Variants in CIRSR observed in about 807,000 individuals in gnomAD.
CIRSR encodes the protein CBF1 (RBPJ) interacting corepressor 1.
At chr2:174,382,196 T>TC in the CIRSR span, among the ~76,000 whole-genome samples, 3 of 152,184 alleles carry the variant, frequency 2.0e-5, no homozygotes, top group African/African-American at 4.8e-5. Context: ...TTTTGTTTTT[T>TC]CCCACCAAAA....
At chr2:174,365,911 G>A in the CIRSR span, among the ~76,000 whole-genome samples, 1 of 152,128 alleles carries the variant, frequency 6.6e-6, no homozygotes, top group Non-Finnish European at 1.5e-5. Context: ...CAGAGATTCT[G>A]GAAGTATCAG....
chr2:174,367,529 G>A, the CIRSR span, among the ~76,000 whole-genome samples: 7 of 151,986 alleles, frequency 4.6e-5, no homozygotes, highest in African/African-American at 7.2e-5. Flanking sequence ...GCAGTAAGCC[G>A]AGATCATGCC....
At chr2:174,391,725 TAAA>T in the CIRSR span, among the ~76,000 whole-genome samples, 1 of 152,106 alleles carries the variant, frequency 6.6e-6, no homozygotes, top group Admixed American at 6.5e-5. Context: ...GATTTGTGCT[TAAA>T]AAAAGACAAT....
At chr2:174,387,690 A>G in the CIRSR span, 1 of 1,581,396 alleles carries the variant, frequency 6.3e-7, no homozygotes, top group Non-Finnish European at 8.6e-7. Flanking sequence ...CTTACCTATT[A>G]TCATATGATT....
At chr2:174,355,374 A>G in the CIRSR span, among the ~76,000 whole-genome samples, 1 of 152,194 alleles carries the variant, frequency 6.6e-6, no homozygotes, top group African/African-American at 2.4e-5. Flanking sequence ...AGAATTCAGA[A>G]AGAAGGCATT....
chr2:174,379,043 G>A, the CIRSR span: 1 of 1,592,406 alleles, frequency 6.3e-7, no homozygotes, highest in Non-Finnish European at 8.6e-7. Context: ...TTTCGAACCT[G>A]AGAAATAATG....
chr2:174,392,625 A>T, the CIRSR span, among the ~76,000 whole-genome samples: 11 of 152,184 alleles, frequency 7.2e-5, no homozygotes, highest in Non-Finnish European at 1.2e-4. Context: ...TTTGGAAGGT[A>T]AGACCAATAG....
chr2:174,387,834 CTT>C, the CIRSR span: 1 of 1,438,480 alleles, frequency 7.0e-7, no homozygotes, highest in Non-Finnish European at 9.4e-7. Flanking sequence ...ATTAAACAAA[CTT>C]TGCTTTTCTT....
the CIRSR span, chr2:174,381,711 A>G: frequency 6.3e-7 from 1 of 1,584,158 alleles, no homozygotes; most frequent in Non-Finnish European, 8.5e-7. Flanking sequence ...TACCTTTTTT[A>G]GCTCCTGGTG....
chr2:174,376,158 G>A, the CIRSR span, among the ~76,000 whole-genome samples: 1 of 152,198 alleles, frequency 6.6e-6, no homozygotes, highest in Non-Finnish European at 1.5e-5. Context: ...ACCATGCCCA[G>A]CCCTGAAAGA....
At chr2:174,364,571 A>C in the CIRSR span, among the ~76,000 whole-genome samples, 2 of 152,242 alleles carry the variant, frequency 1.3e-5, no homozygotes, top group Non-Finnish European at 2.9e-5. Context: ...CCCCTGCAGC[A>C]AACTTCTGCC....
At chr2:174,376,367 C>G in the CIRSR span, among the ~76,000 whole-genome samples, 7 of 152,260 alleles carry the variant, frequency 4.6e-5, no homozygotes, top group South Asian at 1.4e-3. Context: ...ATTTTTTCTA[C>G]TTCATTCACT....
chr2:174,376,599 C>T, the CIRSR span, among the ~76,000 whole-genome samples: 1 of 150,676 alleles, frequency 6.6e-6, no homozygotes, highest in Non-Finnish European at 1.5e-5. Flanking sequence ...AGATCAAGAC[C>T]ATCCTGGCTA....
the CIRSR span, among the ~76,000 whole-genome samples, chr2:174,365,149 C>T: frequency 6.6e-6 from 1 of 152,196 alleles, no homozygotes; most frequent in African/African-American, 2.4e-5. Flanking sequence ...AATCATCTCT[C>T]TCAAGTTCAA....
chr2:174,379,242 C>G, the CIRSR span, among the ~76,000 whole-genome samples: 3 of 152,044 alleles, frequency 2.0e-5, no homozygotes, highest in Non-Finnish European at 4.4e-5. Context: ...AAGCTGAATC[C>G]CATTTCTTTT....
the CIRSR span, among the ~76,000 whole-genome samples, chr2:174,354,541 A>T: frequency 1.8e-5 from 1 of 56,388 alleles, no homozygotes; most frequent in Non-Finnish European, 3.3e-5. Context: ...ATTATATAAT[A>T]TATATTATAT....
chr2:174,392,975 T>A, the CIRSR span, among the ~76,000 whole-genome samples: 1 of 152,110 alleles, frequency 6.6e-6, no homozygotes, highest in Non-Finnish European at 1.5e-5. Context: ...GCATACTAAG[T>A]AAGCAAGAAG....
the CIRSR span, among the ~76,000 whole-genome samples, chr2:174,349,564 TAAAAAAAAAAAA>T: frequency 9.5e-6 from 1 of 105,128 alleles, no homozygotes; most frequent in African/African-American, 3.4e-5. Flanking sequence ...GACTCTGTCT[TAAAAAAAAAAAA>T]AAAAAAAAAA....
At chr2:174,395,687 C>G in the CIRSR span, 1 of 1,613,204 alleles carries the variant, frequency 6.2e-7, no homozygotes, top group Non-Finnish European at 8.5e-7. Context: ...ACTCAGCCGC[C>G]TAACCGGAAC....
Sources: gnomAD v4.1 joint callset for allele counts (sites outside exome capture counted in the v4.1 genomes callset) on GRCh38, gnomAD v4.1.1 for gene constraint, MANE v1.5 for transcripts, NCBI Gene and HGNC (gene_info 2026-07-23, HGNC 2026-07-21) for gene names.